The following KCNG3 variants were observed in gnomAD, a reference collection of about 807,000 sequenced individuals.
KCNG3 encodes voltage-gated potassium channel regulatory subunit KCNG3.
In KCNG3, 15 loss-of-function variants were observed where a neutral mutation model predicts 29.0. The ratio of observed to expected loss-of-function variants is 0.52; its 90% CI spans 0.35 to 0.80. The LOEUF is 0.80. Among genes scored for constraint, KCNG3 ranks in the 30% least tolerant of loss-of-function variants. The pLI is 0.01. For missense variants in KCNG3, 512 were observed against 605.7 expected (o/e 0.85, Z 1.62); for synonymous variants, 322 against 248.9 (o/e 1.29, Z -2.76).
chr2:42,443,912 G>A lies in KCNG3; in HGVS notation c.*22C>T. 1 of 1,582,558 alleles carries A rather than the reference G, an allele frequency of 6.3e-7. No homozygotes were observed. The highest frequency in any genetic ancestry group is 1.2e-5 in the South Asian group (1 of 85,402). Reference sequence around the variant, plus strand: ...ATCAAAGTCTTTCTATGAAGTGTATGCAAGAATTGATTTGCAATGCATTAA... The same window carrying A: ...ATCAAAGTCTTTCTATGAAGTGTATACAAGAATTGATTTGCAATGCATTAA... On this transcript the variant is annotated 3_prime_UTR_variant, in exon 2 of 2. Transcript: ENST00000306078.
chr2:42,461,089 A>T (rs1020472828), intron 1 of KCNG3, among the ~76,000 whole-genome samples: 2 of 144,896 alleles, frequency 1.4e-5, no homozygotes, highest in Non-Finnish European at 3.0e-5. Flanking sequence ...TGAACTCAGG[A>T]GGTGGAGCTT....
chr2:42,416,693 C>G, the KCNG3 span, among the ~76,000 whole-genome samples: 2 of 151,898 alleles, frequency 1.3e-5, no homozygotes, highest in African/African-American at 4.8e-5. Context: ...TGGCTCATGC[C>G]TGTAATCCCA....
chr2:42,403,267 G>A, the KCNG3 span, among the ~76,000 whole-genome samples: 9 of 151,252 alleles, frequency 6.0e-5, no homozygotes, highest in Non-Finnish European at 1.0e-4. Context: ...TCAGCCTTCC[G>A]AGTAGCTGGG....
At chr2:42,452,814 C>T (rs1262514874) in intron 1 of KCNG3, among the ~76,000 whole-genome samples, 1 of 152,086 alleles carries the variant, frequency 6.6e-6, no homozygotes, top group Non-Finnish European at 1.5e-5. Context: ...TGAAGTCTCA[C>T]TCTGTCACCC....
At chr2:42,484,568 A>G (rs1259984179) in intron 1 of KCNG3, among the ~76,000 whole-genome samples, 1 of 152,228 alleles carries the variant, frequency 6.6e-6, no homozygotes, top group Non-Finnish European at 1.5e-5. Flanking sequence ...GTACACGCAC[A>G]TGTGTATATA....
At chr2:42,417,241 T>A in the KCNG3 span, among the ~76,000 whole-genome samples, 3 of 152,132 alleles carry the variant, frequency 2.0e-5, no homozygotes, top group Non-Finnish European at 4.4e-5. Context: ...AGACTCCATC[T>A]CAAAAAATAA....
the KCNG3 span, among the ~76,000 whole-genome samples, chr2:42,414,453 G>A: frequency 2.0e-5 from 3 of 151,690 alleles, no homozygotes; most frequent in Non-Finnish European, 4.4e-5. Flanking sequence ...TCATTCCTTT[G>A]TAGATAATCT....
the KCNG3 span, among the ~76,000 whole-genome samples, chr2:42,393,417 C>A: frequency 2.0e-5 from 3 of 151,852 alleles, no homozygotes; most frequent in Non-Finnish European, 2.9e-5. Flanking sequence ...AAAAATGAGC[C>A]GGGCGTGGTG....
chr2:42,461,206 G>A (rs1380964170), intron 1 of KCNG3, among the ~76,000 whole-genome samples: 15 of 100,542 alleles, frequency 1.5e-4, no homozygotes, highest in Admixed American at 5.4e-4. Flanking sequence ...AAAAAAAAAA[G>A]GTAGACATCA....
chr2:42,450,858 A>G (rs1229719924), intron 1 of KCNG3, among the ~76,000 whole-genome samples: 1 of 152,240 alleles, frequency 6.6e-6, no homozygotes, highest in Non-Finnish European at 1.5e-5. Context: ...AAGATTTTAA[A>G]GCTAAAAGGA....
the KCNG3 span, among the ~76,000 whole-genome samples, chr2:42,431,467 C>T: frequency 1.3e-5 from 2 of 152,180 alleles, no homozygotes; most frequent in African/African-American, 2.4e-5. Flanking sequence ...AAAATGTAGC[C>T]ATTAACCAAA....
chr2:42,402,007 G>A, the KCNG3 span, among the ~76,000 whole-genome samples: 1 of 152,222 alleles, frequency 6.6e-6, no homozygotes, highest in African/African-American at 2.4e-5. Context: ...CATTATTTTT[G>A]AGGGTGTTTA....
At chr2:42,426,834 A>G in the KCNG3 span, among the ~76,000 whole-genome samples, 2 of 152,234 alleles carry the variant, frequency 1.3e-5, no homozygotes, top group Non-Finnish European at 2.9e-5. Context: ...TTTGCAAGAC[A>G]GAAGTGTTCT....
chr2:42,470,008 G>T, intron 1 of KCNG3: 1 of 505,702 alleles, frequency 2.0e-6, no homozygotes, highest in South Asian at 2.4e-5. Flanking sequence ...TACGTTTTGT[G>T]ACAGGCAATA....
chr2:42,413,534 T>C, the KCNG3 span, among the ~76,000 whole-genome samples: 1 of 152,212 alleles, frequency 6.6e-6, no homozygotes, highest in Admixed American at 6.5e-5. Context: ...ATATTCTATT[T>C]CTAGTCTTCT....
the KCNG3 span, among the ~76,000 whole-genome samples, chr2:42,410,791 T>G: frequency 6.6e-6 from 1 of 152,188 alleles, no homozygotes. Flanking sequence ...AGCTTTTCAT[T>G]TGTCTTTTGA....
chr2:42,444,898 CA>C lies in KCNG3; in HGVS notation c.666-320del, dbSNP rs61254551. 0.85 allele frequency among the ~76,000 whole-genome samples: 127,797 copies of C among 149,562 alleles called. 54,576 individuals carry two copies. The highest frequency in any genetic ancestry group is 0.95 in the Middle Eastern group (276 of 292). On this transcript the variant is annotated intron_variant, in intron 1 of 1. Transcript: ENST00000306078. The surrounding 1 kb of genome is among the most constrained non-coding windows in gnomAD (Gnocchi z 5.8). ...GCACCACAGCAAAACCCCGTCTCCA[CA>C]AAAAAAAAATACAAAAATCAGCTGG...
intron 1 of KCNG3, among the ~76,000 whole-genome samples, chr2:42,459,396 C>G (rs955852122): frequency 7.9e-5 from 12 of 152,164 alleles, no homozygotes; most frequent in African/African-American, 2.9e-4. Flanking sequence ...TTCTCACCCT[C>G]CCTGCCTGGC....
chr2:42,433,786 G>A, the KCNG3 span, among the ~76,000 whole-genome samples: 3 of 152,102 alleles, frequency 2.0e-5, no homozygotes, highest in East Asian at 1.9e-4. Flanking sequence ...AGGACCAGAC[G>A]CAACAAAAAA....
Sources: gnomAD v4.1 joint callset for allele counts (sites outside exome capture counted in the v4.1 genomes callset) on GRCh38, gnomAD v4.1.1 for gene constraint, Gnocchi (gnomAD v3.1) non-coding constraint, MANE v1.5 for transcripts, NCBI Gene and HGNC (gene_info 2026-07-23, HGNC 2026-07-21) for gene names.